The following FER variants were observed in gnomAD, a reference collection of about 807,000 sequenced individuals.
The protein encoded by FER is FER tyrosine kinase.
In FER, 63 loss-of-function variants were observed where a neutral mutation model predicts 111.0. The ratio of observed to expected loss-of-function variants is 0.57; its 90% CI spans 0.46 to 0.70. The LOEUF is 0.70. FER is among the 30% of genes least tolerant of loss of function. FER has a pLI of 0.00. For missense variants in FER, 914 were observed against 954.0 expected (o/e 0.96, Z 0.55); for synonymous variants, 327 against 313.9 (o/e 1.04, Z -0.44).
intron 5 of FER, among the ~76,000 whole-genome samples, chr5:108,850,419 A>C (rs1762441692): frequency 6.6e-6 from 1 of 152,086 alleles, no homozygotes; most frequent in African/African-American, 2.4e-5. Context: ...TACTTAGATA[A>C]TCCTTTTGTA....
Position 109,194,807 on chromosome 5 carries a change from A to C in FER, c.*7232A>C, listed in dbSNP as rs1759621552. ...AGGAAAGGAAACAGAATCCAAAGTC[A>C]TTTTTCATATAGCTGTTGTCAAATA... On this transcript the variant is annotated 3_prime_UTR_variant, in exon 20 of 20. Transcript: ENST00000281092. The C allele has an allele frequency of 6.9e-6, 1 of 145,146 alleles. No homozygotes were observed. The highest frequency in any genetic ancestry group is 6.8e-5 in the Admixed American group (1 of 14,668). The allele number at this position is 145,146 out of a possible 1,614,324, so 9.0% of individuals were successfully genotyped here.
At chr5:108,993,706 G>T (rs903169676) in intron 13 of FER, among the ~76,000 whole-genome samples, 2 of 151,440 alleles carry the variant, frequency 1.3e-5, no homozygotes, top group African/African-American at 2.4e-5. Context: ...ACAAGTTGAG[G>T]ATGGTTCTTC....
chr5:108,866,038 G>C (rs1259102674), intron 5 of FER, among the ~76,000 whole-genome samples: 1 of 152,150 alleles, frequency 6.6e-6, no homozygotes, highest in Non-Finnish European at 1.5e-5. Flanking sequence ...TGATTCTTCA[G>C]GGATCTGGAA....
chr5:108,942,055 C>T (rs1036699153), intron 10 of FER, among the ~76,000 whole-genome samples: 1 of 152,046 alleles, frequency 6.6e-6, no homozygotes, highest in Admixed American at 6.6e-5. Flanking sequence ...ATTCCTTCCT[C>T]CTGCTTATGC....
intron 5 of FER, chr5:108,842,750 G>A (rs62363290): frequency 0.23 from 34,636 of 152,034 alleles, 4,129 homozygotes; most frequent in African/African-American, 0.28. Flanking sequence ...AAACAAAACA[G>A]TAGATGTTGG....
intron 13 of FER, among the ~76,000 whole-genome samples, chr5:109,017,766 A>G (rs375248530): frequency 4.6e-5 from 7 of 152,008 alleles, no homozygotes; most frequent in African/African-American, 1.4e-4. Context: ...ACCAAATCCA[A>G]CAACTCAGGT....
chr5:109,147,798 T>TAGAG (rs1477541042), intron 17 of FER, among the ~76,000 whole-genome samples: 161 of 116,682 alleles, frequency 1.4e-3, no homozygotes, highest in African/African-American at 2.4e-3. Flanking sequence ...TATATATATA[T>TAGAG]ATAGAGAGAG....
In FER at chr5:109,195,365, C is replaced by T. The variant is rs1242518530; in HGVS notation, c.*7790C>T. ...CAGAAAATAACTTGTCATAATTCCA[C>T]CTTAGATTCTAGACCTCTCATACCT... On this transcript the variant is annotated 3_prime_UTR_variant, in exon 20 of 20. Coordinates refer to ENST00000281092, the MANE Select transcript of FER (RefSeq NM_005246.4). The T allele has an allele frequency of 6.6e-6, 1 of 152,160 alleles. No individual in the cohort carries two copies. Among genetic ancestry groups the T allele is most frequent in the African/African-American group, 2.4e-5 (1 of 41,430 alleles). 9.4% of individuals were successfully genotyped at this position (152,160 alleles called of 1,614,324 possible).
rs1362374164 is a variant in FER, at chr5:108,775,583, CT to C, written c.-60+7348del. ...AACATGTTATTCATTTGTTTATAGA[CT>C]TTCAAAGTTTTTATTAATTGTTTTC... On this transcript the variant is annotated intron_variant, in intron 2 of 19. Transcript: ENST00000281092. Among the ~76,000 whole-genome samples, 4 of 151,928 alleles carry C rather than the reference CT, an allele frequency of 2.6e-5. No individual in the cohort carries two copies. The East Asian group carries it at 7.7e-4, about 29-fold the overall frequency.
At chr5:108,851,193 A>G (rs1231542870) in intron 5 of FER, among the ~76,000 whole-genome samples, 1 of 152,218 alleles carries the variant, frequency 6.6e-6, no homozygotes, top group African/African-American at 2.4e-5. Flanking sequence ...AAGAGGTTTA[A>G]TGGACTTACA....
At chr5:108,996,378 G>A (rs1162276900) in intron 13 of FER, among the ~76,000 whole-genome samples, 1 of 152,006 alleles carries the variant, frequency 6.6e-6, no homozygotes, top group African/African-American at 2.4e-5. Flanking sequence ...TTTCTTCTAG[G>A]GTTTTTATTG....
chr5:108,894,641 C>T (rs534935983), intron 9 of FER: 8 of 285,902 alleles, frequency 2.8e-5, no homozygotes, highest in Admixed American at 3.9e-5. Context: ...TGGTGCTGGT[C>T]CTGCGGGCTG....
intron 16 of FER, among the ~76,000 whole-genome samples, chr5:109,049,966 A>G (rs1772543066): frequency 6.6e-6 from 1 of 152,222 alleles, no homozygotes; most frequent in South Asian, 2.1e-4. Context: ...TAAACTCAGA[A>G]TACAAGTTCT....
At chr5:109,037,982 A>G (rs1770635181) in intron 14 of FER, among the ~76,000 whole-genome samples, 2 of 151,914 alleles carry the variant, frequency 1.3e-5, no homozygotes, top group African/African-American at 4.8e-5. Flanking sequence ...ACTTGTTTCA[A>G]TATAAATATT....
chr5:108,794,073 A>T (rs1755707775), intron 2 of FER, among the ~76,000 whole-genome samples: 1 of 152,118 alleles, frequency 6.6e-6, no homozygotes, highest in African/African-American at 2.4e-5. Flanking sequence ...ACAATTACAC[A>T]TTATTATTAT....
intron 5 of FER, among the ~76,000 whole-genome samples, chr5:108,859,464 C>A (rs1015851169): frequency 1.3e-5 from 2 of 152,094 alleles, no homozygotes; most frequent in Non-Finnish European, 2.9e-5. Context: ...GTTTACTTTT[C>A]TACTCATAGC....
intron 13 of FER, among the ~76,000 whole-genome samples, chr5:109,008,592 C>A (rs941310765): frequency 6.6e-6 from 1 of 152,082 alleles, no homozygotes; most frequent in Middle Eastern, 3.2e-3. Context: ...TCTCACCTTC[C>A]CTAGGCCTTT....
intron 17 of FER, among the ~76,000 whole-genome samples, chr5:109,132,462 T>TA (rs1242777901): frequency 6.6e-6 from 1 of 152,062 alleles, no homozygotes; most frequent in African/African-American, 2.4e-5. Context: ...AATTTAGACT[T>TA]AGAACTTCAA....
At chr5:109,132,545 G>C (rs1752465635) in intron 17 of FER, among the ~76,000 whole-genome samples, 1 of 152,094 alleles carries the variant, frequency 6.6e-6, no homozygotes, top group Non-Finnish European at 1.5e-5. Context: ...AGGAAGGTCT[G>C]CTCTACTTTG....
Sources: allele counts gnomAD v4.1 joint callset (sites outside exome capture counted in the v4.1 genomes callset), GRCh38; gene constraint gnomAD v4.1.1; transcripts MANE v1.5; gene names NCBI Gene and HGNC (gene_info 2026-07-23, HGNC 2026-07-21).